The following ZNF362 variants were observed in gnomAD, a reference collection of about 807,000 sequenced individuals.
The protein encoded by ZNF362 is rotund homolog.
ZNF362 carries 11 observed loss-of-function variants against 42.9 expected under a neutral mutation model. The ratio of observed to expected loss-of-function variants is 0.26; its 90% CI spans 0.16 to 0.42. The LOEUF (loss-of-function observed/expected upper bound fraction) is 0.42, where lower values mean the gene tolerates loss of function less well. Ranked by LOEUF, ZNF362 falls within the 20% of genes least tolerant of loss-of-function variation. The pLI is 1.00. For synonymous variants in ZNF362, 255 were observed against 257.3 expected, an observed-to-expected ratio of 0.99 and a Z score of 0.09; for missense variants, 362 against 576.2, an observed-to-expected ratio of 0.63 and a Z score of 3.81.
chr1:33,254,785 A>G (rs538073537), upstream of ZNF362, among the ~76,000 whole-genome samples: 1 of 152,248 alleles, frequency 6.6e-6, no homozygotes, highest in African/African-American at 2.4e-5. Flanking sequence ...CTACTCCTAA[A>G]GAGTAGGGAG....
chr1:33,263,460 G>C (rs369809270), intron 1 of ZNF362, among the ~76,000 whole-genome samples: 7 of 151,748 alleles, frequency 4.6e-5, no homozygotes, highest in African/African-American at 1.7e-4. Context: ...ACCCAGGCTG[G>C]AGTGCAGTGG....
At chr1:33,289,457 C>T (rs1646060056) in intron 6 of ZNF362, among the ~76,000 whole-genome samples, 1 of 151,982 alleles carries the variant, frequency 6.6e-6, no homozygotes, top group African/African-American at 2.4e-5. Context: ...GAGGCTGAGG[C>T]TGGGAGTCAA....
chr1:33,168,886 C>T, the ZNF362 span, among the ~76,000 whole-genome samples: 1 of 152,220 alleles, frequency 6.6e-6, no homozygotes, highest in African/African-American at 2.4e-5. Flanking sequence ...GGCAGCTCTT[C>T]AGGATTTCTG....
the ZNF362 span, chr1:33,165,531 G>A: frequency 4.3e-6 from 7 of 1,611,046 alleles, no homozygotes; most frequent in Non-Finnish European, 5.1e-6. The surrounding 1 kb of genome is among the most constrained non-coding windows in gnomAD (Gnocchi z 4.0). Context: ...CCCGCTCGCT[G>A]TCTTGAAGGG....
At chr1:33,160,493 C>T in the ZNF362 span, among the ~76,000 whole-genome samples, 340 of 152,214 alleles carry the variant, frequency 2.2e-3, 3 homozygotes, top group East Asian at 0.037. Flanking sequence ...CAACCTCCAC[C>T]TCCTGGGTTC....
At chr1:33,276,682 C>G in intron 4 of ZNF362, 88 bp downstream of exon 4, 1 of 1,276,656 alleles carries the variant, frequency 7.8e-7, no homozygotes, top group Non-Finnish European at 9.9e-7. Context: ...GGATGGGACC[C>G]GGCTAGGTAA....
In ZNF362 at chr1:33,280,045, A is replaced by C. The variant is rs1645979962; in HGVS notation, c.350-79A>C. The C allele has an allele frequency of 6.7e-7, 1 of 1,484,720 alleles. No individual in the cohort carries two copies. Among genetic ancestry groups the C allele is most frequent in the African/African-American group, 1.4e-5 (1 of 71,170 alleles). The allele number at this position is 1,484,720 out of a possible 1,614,324, so 92.0% of individuals were successfully genotyped here. On this transcript the variant is annotated intron_variant, in intron 4 of 8. Transcript: ENST00000539719. This position sits in a 1 kb window ranked among gnomAD's most constrained non-coding sequence, Gnocchi z 5.6. ...ACGTTAAGGGGATGCTCGCCTGCCA[A>C]AATCACATAGCTGGGTGGGCAGCTG...
the ZNF362 span, among the ~76,000 whole-genome samples, chr1:33,221,380 G>A: frequency 1.3e-5 from 2 of 152,260 alleles, no homozygotes; most frequent in South Asian, 4.1e-4. Flanking sequence ...TGAGTTTCAG[G>A]CACCCCTGTC....
In ZNF362 at chr1:33,290,928, A is replaced by C. The variant is rs555768098; in HGVS notation, c.909-4009A>C. Among the ~76,000 whole-genome samples the C allele has an allele frequency of 5.1e-4, 78 of 151,980 alleles. No individual in the cohort carries two copies. In the South Asian group the frequency reaches 0.015, roughly 29 times the overall value. ...ATGGGGTTGTTTGTTTTTTTCTTGTAAATTTGTTTGAGTTCTTTGTAGATT... is the reference window on the plus strand; with the variant it reads ...ATGGGGTTGTTTGTTTTTTTCTTGTCAATTTGTTTGAGTTCTTTGTAGATT... On this transcript the variant is annotated intron_variant, in intron 6 of 8. Transcript: ENST00000539719.
the ZNF362 span, among the ~76,000 whole-genome samples, chr1:33,210,522 G>C: frequency 5.5e-4 from 83 of 152,170 alleles, no homozygotes; most frequent in Middle Eastern, 3.4e-3. Flanking sequence ...ATTGACAGTG[G>C]GGTATTAAAG....
chr1:33,143,753 A>G, the ZNF362 span, among the ~76,000 whole-genome samples: 22 of 152,336 alleles, frequency 1.4e-4, no homozygotes, highest in East Asian at 3.7e-3. Flanking sequence ...CAGAAAGCCA[A>G]CACCAGTCCT....
At chr1:33,290,668 A>C (rs1646070961) in intron 6 of ZNF362, among the ~76,000 whole-genome samples, 1 of 151,510 alleles carries the variant, frequency 6.6e-6, no homozygotes, top group African/African-American at 2.4e-5. Flanking sequence ...GAACTAGTTT[A>C]CAGTCCCACC....
the ZNF362 span, among the ~76,000 whole-genome samples, chr1:33,138,519 A>G: frequency 3.3e-5 from 5 of 151,660 alleles, no homozygotes; most frequent in Non-Finnish European, 5.9e-5. Flanking sequence ...TTAAATTAGC[A>G]CGCCCAATAA....
At position 33,277,558 on chromosome 1, in the gene ZNF362, C is replaced by T. The variant is rs66950716; in HGVS notation, c.349+964C>T. On this transcript the variant is annotated intron_variant, in intron 4 of 8. Transcript: ENST00000539719. ...CGAGTCTGGCTGCTAGGTGGAGACC[C>T]GGTTGTCAGGGGGTAAGCATGGAAG... Among the ~76,000 whole-genome samples the T allele has an allele frequency of 3.5e-3, 540 of 152,130 alleles. 5 individuals carry two copies. Among genetic ancestry groups the T allele is most frequent in the African/African-American group, 0.012 (510 of 41,454 alleles).
chr1:33,299,836 C>G lies in ZNF362; in HGVS notation c.*790C>G, dbSNP rs939935788. 1.3e-5 allele frequency: 2 copies of G among 152,808 alleles called. No individual in the cohort carries two copies. Among genetic ancestry groups the G allele is most frequent in the African/African-American group, 4.8e-5 (2 of 41,460 alleles). 9.5% of individuals were successfully genotyped at this position (152,808 alleles called of 1,614,324 possible). On this transcript the variant is annotated 3_prime_UTR_variant, in exon 9 of 9. Coordinates refer to ENST00000539719, the MANE Select transcript of ZNF362 (RefSeq NM_152493.3). ...CGGTGCTGGCCAGGAAACCTTTCGG[C>G]TACCTCTCCCACCATCCCAGACTGT...
At chr1:33,180,015 C>G in the ZNF362 span, among the ~76,000 whole-genome samples, 1 of 151,816 alleles carries the variant, frequency 6.6e-6, no homozygotes, top group South Asian at 2.1e-4. Flanking sequence ...TTTGTTTGAC[C>G]AGTGGAACTT....
At chr1:33,233,892 C>T in the ZNF362 span, among the ~76,000 whole-genome samples, 1 of 152,122 alleles carries the variant, frequency 6.6e-6, no homozygotes, top group Admixed American at 6.6e-5. Context: ...ACTCTGTGTG[C>T]CTCACTTTCA....
the ZNF362 span, among the ~76,000 whole-genome samples, chr1:33,244,251 CA>C: frequency 6.6e-6 from 1 of 151,874 alleles, no homozygotes; most frequent in Non-Finnish European, 1.5e-5. This position sits in a 1 kb window ranked among gnomAD's most constrained non-coding sequence, Gnocchi z 4.0. Context: ...CCTTATATAT[CA>C]CATGCTTTCC....
At chr1:33,254,435 C>T (rs895968051), upstream of ZNF362, among the ~76,000 whole-genome samples, 1 of 152,078 alleles carries the variant, frequency 6.6e-6, no homozygotes, top group Admixed American at 6.6e-5. Flanking sequence ...CTTTAGGCTC[C>T]TCTCTGGCTG....
Sources: gnomAD v4.1 joint callset for allele counts (sites outside exome capture counted in the v4.1 genomes callset) on GRCh38, gnomAD v4.1.1 for gene constraint, Gnocchi (gnomAD v3.1) non-coding constraint, MANE v1.5 for transcripts, NCBI Gene and HGNC (gene_info 2026-07-23, HGNC 2026-07-21) for gene names.